Variants in AMBRA1 observed in about 807,000 individuals in gnomAD.
AMBRA1 encodes autophagy and beclin 1 regulator 1.
In AMBRA1, 47 loss-of-function variants were observed where a neutral mutation model predicts 125.4. That is an observed-to-expected ratio of 0.37 (90% CI 0.30 to 0.48). AMBRA1 has a LOEUF of 0.48. AMBRA1 is among the 20% of genes least tolerant of loss of function. AMBRA1 has a pLI of 0.99. For synonymous variants in AMBRA1, 626 were observed against 655.5 expected (o/e 0.95, Z 0.69); for missense variants, 1,331 against 1,693.4 (o/e 0.79, Z 3.76).
At chr11:46,407,120 A>T (rs1946061275) in intron 17 of AMBRA1, among the ~76,000 whole-genome samples, 1 of 152,132 alleles carries the variant, frequency 6.6e-6, no homozygotes, top group South Asian at 2.1e-4. Context: ...CGGTGGTTGC[A>T]GTGAGCTGAG....
intron 7 of AMBRA1, among the ~76,000 whole-genome samples, chr11:46,519,678 C>T (rs2135086569): frequency 6.6e-6 from 1 of 152,302 alleles, no homozygotes; most frequent in African/African-American, 2.4e-5. Context: ...TCCGGGAGCA[C>T]CAAACCCAAA....
At chr11:46,485,455 T>C (rs1224043886) in intron 11 of AMBRA1, among the ~76,000 whole-genome samples, 1 of 152,200 alleles carries the variant, frequency 6.6e-6, no homozygotes, top group Non-Finnish European at 1.5e-5. Context: ...CCCACCTCCC[T>C]TAGCTAATCT....
intron 7 of AMBRA1, among the ~76,000 whole-genome samples, chr11:46,524,330 C>G (rs976296575): frequency 3.3e-5 from 5 of 152,218 alleles, no homozygotes; most frequent in Non-Finnish European, 5.9e-5. Context: ...CAGTATGTGA[C>G]AGGTGAAGGC....
At chr11:46,433,035 C>T (rs957771941) in intron 14 of AMBRA1, among the ~76,000 whole-genome samples, 1 of 152,128 alleles carries the variant, frequency 6.6e-6, no homozygotes, top group Non-Finnish European at 1.5e-5. Context: ...CAGCAACTGC[C>T]TAAAGTCTTC....
At chr11:46,484,811 A>AT (rs1278246929) in intron 11 of AMBRA1, among the ~76,000 whole-genome samples, 2 of 148,866 alleles carry the variant, frequency 1.3e-5, no homozygotes, top group Admixed American at 1.3e-4. Context: ...CACCAGGCTA[A>AT]TTTTTTGTAT....
chr11:46,508,311 C>T lies in AMBRA1; in HGVS notation c.2219G>A (p.Ser740Asn). ...GTAGCGCATGGAGCGCTGGCGAATA[C>T]TGTCTCTCCGTGAGAGATACTGGAT... ...RMIQYLSRRD[S>N]IRQRSMRYQQ... is the part of the protein sequence containing the mutation. Residue 740 changes from serine to asparagine, a missense_variant, in exon 9 of 18, where the codon AGT (serine) becomes AAT (asparagine). By Grantham distance (46) the Ser-to-Asn change is conservative. This residue lies in a region of AMBRA1 where 689 missense variants were observed against 776.5 expected (regional missense o/e 0.89). Transcript: ENST00000683756. 1.1e-5 allele frequency: 17 copies of T among 1,614,240 alleles called. No individual in the cohort carries two copies. The highest frequency in any genetic ancestry group is 1.7e-5 in the Admixed American group (1 of 60,030).
intron 11 of AMBRA1, among the ~76,000 whole-genome samples, chr11:46,446,415 A>G (rs2136764734): frequency 6.6e-6 from 1 of 152,318 alleles, no homozygotes; most frequent in East Asian, 1.9e-4. Context: ...GGGTTAATGG[A>G]CTGAGCTAGA....
intron 11 of AMBRA1, among the ~76,000 whole-genome samples, chr11:46,463,244 G>T (rs1322043156): frequency 6.6e-6 from 1 of 152,052 alleles, no homozygotes; most frequent in South Asian, 2.1e-4. Flanking sequence ...AGCCCACCAG[G>T]GGCCAACTCA....
chr11:46,531,252 CAG>C (rs57770866), intron 7 of AMBRA1, among the ~76,000 whole-genome samples: 1,779 of 152,258 alleles, frequency 0.012, 40 homozygotes, highest in African/African-American at 0.041. Context: ...GTAATTGCAA[CAG>C]AGACTGTACA....
At chr11:46,400,931 G>A (rs1351600536) in intron 17 of AMBRA1, among the ~76,000 whole-genome samples, 2 of 152,188 alleles carry the variant, frequency 1.3e-5, no homozygotes, top group South Asian at 2.1e-4. Context: ...CAGGGCAGAA[G>A]GAGAGAAAAC....
intron 9 of AMBRA1, among the ~76,000 whole-genome samples, chr11:46,500,908 C>T (rs549315040): frequency 6.6e-5 from 10 of 152,170 alleles, no homozygotes; most frequent in African/African-American, 1.4e-4. Context: ...TTTTTAGATA[C>T]TTATGTAAAA....
chr11:46,563,063 G>A (rs944704112), intron 1 of AMBRA1, among the ~76,000 whole-genome samples: 45 of 151,008 alleles, frequency 3.0e-4, no homozygotes, highest in African/African-American at 1.1e-3. Flanking sequence ...ATCCCAATGT[G>A]CTGAAACTAC....
At chr11:46,481,265 A>G (rs1950055066) in intron 11 of AMBRA1, among the ~76,000 whole-genome samples, 1 of 152,098 alleles carries the variant, frequency 6.6e-6, no homozygotes, top group Non-Finnish European at 1.5e-5. Context: ...CCACTACACA[A>G]TTCATTGTTT....
At chr11:46,587,854 T>C (rs189530121) in intron 1 of AMBRA1, among the ~76,000 whole-genome samples, 2 of 152,226 alleles carry the variant, frequency 1.3e-5, no homozygotes, top group Non-Finnish European at 2.9e-5. Flanking sequence ...AACATCTTCA[T>C]AGGTAAGGGT....
intron 17 of AMBRA1, among the ~76,000 whole-genome samples, chr11:46,404,465 A>G (rs1367831431): frequency 6.6e-6 from 1 of 152,226 alleles, no homozygotes; most frequent in African/African-American, 2.4e-5. Context: ...TCCTTGCCCT[A>G]GGAGGGACAA....
At chr11:46,438,085 T>C (rs1166160828) in intron 12 of AMBRA1, among the ~76,000 whole-genome samples, 1 of 152,198 alleles carries the variant, frequency 6.6e-6, no homozygotes, top group African/African-American at 2.4e-5. Flanking sequence ...ATCCTTAGTC[T>C]GGGAGATGCA....
intron 12 of AMBRA1, among the ~76,000 whole-genome samples, chr11:46,436,719 G>C (rs1947738611): frequency 6.6e-6 from 1 of 152,184 alleles, no homozygotes; most frequent in South Asian, 2.1e-4. Context: ...AATCCAGCTG[G>C]GGATATAGAA....
intron 1 of AMBRA1, among the ~76,000 whole-genome samples, chr11:46,590,912 CAAAA>C (rs554383816): frequency 2.6e-5 from 2 of 76,722 alleles, no homozygotes; most frequent in African/African-American, 8.6e-5. Context: ...GACTCCATCT[CAAAA>C]AAAAAAAAAA....
intron 9 of AMBRA1, among the ~76,000 whole-genome samples, chr11:46,500,427 C>T (rs973620952): frequency 6.6e-6 from 1 of 152,188 alleles, no homozygotes; most frequent in Non-Finnish European, 1.5e-5. Context: ...GATATCCTCA[C>T]CTGTACTATG....
Sources: gnomAD v4.1 joint callset for allele counts (sites outside exome capture counted in the v4.1 genomes callset) on GRCh38, gnomAD v4.1.1 for gene constraint, gnomAD v4.1.1 regional missense constraint, MANE v1.5 for transcripts, NCBI Gene and HGNC (gene_info 2026-07-23, HGNC 2026-07-21) for gene names.